Variants in ADAMTSL1 observed in about 807,000 individuals in gnomAD.
The protein encoded by ADAMTSL1 is ADAMTS like 1, also known as ADAMTS-like protein 1.
Under a neutral mutation model 201.8 loss-of-function variants are expected in ADAMTSL1, and 126 were observed. That is an observed-to-expected ratio of 0.62 (90% CI 0.54 to 0.72). ADAMTSL1 has a LOEUF of 0.72. ADAMTSL1 is among the 30% of genes least tolerant of loss of function. ADAMTSL1 has a pLI of 0.00. For synonymous variants in ADAMTSL1, 1,121 were observed against 903.4 expected, an observed-to-expected ratio of 1.24 and a Z score of -4.32; for missense variants, 2,679 against 2,277.8, an observed-to-expected ratio of 1.18 and a Z score of -3.59.
At chr9:18,599,085 T>A (rs899814738) in intron 4 of ADAMTSL1, among the ~76,000 whole-genome samples, 2 of 152,062 alleles carry the variant, frequency 1.3e-5, no homozygotes, top group African/African-American at 4.8e-5. Flanking sequence ...AGTATTAGGG[T>A]TGATTGACAG....
Position 18,777,843 on chromosome 9 carries a change from T to C in ADAMTSL1, c.3614T>C (p.Ile1205Thr), listed in dbSNP as rs190956717. Residue 1205 changes from isoleucine to threonine, a missense_variant, in exon 19 of 29, where the codon ATC becomes ACC. Ile to Thr is a moderately conservative substitution (Grantham distance 89). Transcript: ENST00000380548. ...TLSVLLHCEAIGHPRPTISWA... is the reference protein window; with the variant it reads ...TLSVLLHCEATGHPRPTISWA... ...AGTGTTCTTCTGCACTGTGAGGCCA[T>C]CGGCCACCCAAGGCCTACCATCAGC... The C allele has an allele frequency of 5.2e-5, 83 of 1,602,622 alleles. No individual in the cohort carries two copies. The African/African-American group carries it at 1.0e-3, about 20-fold the overall frequency.
At chr9:18,191,871 A>G (rs1248058180) in intron 2 of ADAMTSL1, among the ~76,000 whole-genome samples, 1 of 152,136 alleles carries the variant, frequency 6.6e-6, no homozygotes, top group Non-Finnish European at 1.5e-5. Context: ...ACTTGAAGGG[A>G]GCCTTTGAAA....
intron 1 of ADAMTSL1, among the ~76,000 whole-genome samples, chr9:18,012,889 A>G (rs992212350): frequency 6.6e-6 from 1 of 152,046 alleles, no homozygotes; most frequent in Non-Finnish European, 1.5e-5. Context: ...TTACTCAGTA[A>G]TGGCATTTGT....
chr9:18,202,867 A>AT lies in ADAMTSL1; in HGVS notation c.207+38888dup, dbSNP rs370198461. 4.7e-3 allele frequency among the ~76,000 whole-genome samples: 723 copies of AT among 152,220 alleles called. 6 individuals are homozygous for AT. Among genetic ancestry groups the AT allele is most frequent in the African/African-American group, 0.016 (658 of 41,550 alleles). ...AGAGATGGATAAGAGAAATAAACAG[A>AT]TTGTCAGATGACCTCAAGAGCTCTT... is the stretch of plus-strand genomic sequence containing the variant. On this transcript the variant is annotated intron_variant, in intron 2 of 29. Coordinates refer to the ADAMTSL1 transcript ENST00000680146.
chr9:18,412,795 G>C (rs1024493141), intron 2 of ADAMTSL1, among the ~76,000 whole-genome samples: 1 of 152,024 alleles, frequency 6.6e-6, no homozygotes, highest in African/African-American at 2.4e-5. Flanking sequence ...CTGCTTTCTG[G>C]AACAACAAGA....
chr9:18,538,023 G>C (rs898278067), intron 3 of ADAMTSL1, among the ~76,000 whole-genome samples: 57 of 152,082 alleles, frequency 3.7e-4, no homozygotes, highest in African/African-American at 1.3e-3. Flanking sequence ...GGAGGAGAAG[G>C]AGGAAGCTCC....
intron 1 of ADAMTSL1, among the ~76,000 whole-genome samples, chr9:17,946,621 A>T (rs1171502800): frequency 6.6e-6 from 1 of 152,048 alleles, no homozygotes; most frequent in Non-Finnish European, 1.5e-5. Flanking sequence ...GGAATTCTTT[A>T]GGAATTCCAT....
chr9:18,778,015 G>T, intron 19 of ADAMTSL1, 109 bp downstream of exon 19: 4 of 1,408,554 alleles, frequency 2.8e-6, no homozygotes, highest in Non-Finnish European at 3.8e-6. Context: ...AGGGCTTAGA[G>T]CTGGCCTCGG....
intron 2 of ADAMTSL1, among the ~76,000 whole-genome samples, chr9:18,453,990 C>T (rs1013698686): frequency 2.6e-5 from 4 of 152,164 alleles, no homozygotes; most frequent in Non-Finnish European, 4.4e-5. Context: ...TCCAGAGAGA[C>T]AGAACCAATA....
At chr9:17,980,590 A>G (rs1034028354) in intron 1 of ADAMTSL1, among the ~76,000 whole-genome samples, 2 of 151,814 alleles carry the variant, frequency 1.3e-5, no homozygotes, top group Non-Finnish European at 2.9e-5. Flanking sequence ...CCCCAGCATG[A>G]TGGTGTGATG....
At chr9:18,084,514 T>G (rs1367915938) in intron 1 of ADAMTSL1, among the ~76,000 whole-genome samples, 1 of 147,308 alleles carries the variant, frequency 6.8e-6, no homozygotes, top group Non-Finnish European at 1.5e-5. Context: ...AGAGCAAGAC[T>G]CCATCTCAAA....
In ADAMTSL1 at chr9:18,497,616, T is replaced by C. The variant is rs191461404; in HGVS notation, c.64-7213T>C. 7.9e-5 allele frequency among the ~76,000 whole-genome samples: 12 copies of C among 152,370 alleles called. No homozygotes were observed. The East Asian group carries it at 2.1e-3, about 27-fold the overall frequency. Reference sequence around the variant, plus strand: ...GTGTTTCCATTTGCTAAGTTTGTGCTTTTAAAGTAATAGAAACTGAGAATG... The same window carrying C: ...GTGTTTCCATTTGCTAAGTTTGTGCCTTTAAAGTAATAGAAACTGAGAATG... On this transcript the variant is annotated intron_variant, in intron 1 of 28. Coordinates refer to ENST00000380548, the MANE Select transcript of ADAMTSL1 (RefSeq NM_001040272.6).
chr9:18,401,684 CT>C (rs536115723), intron 2 of ADAMTSL1, among the ~76,000 whole-genome samples: 1 of 152,054 alleles, frequency 6.6e-6, no homozygotes, highest in Admixed American at 6.6e-5. Flanking sequence ...TTCTTGCCTT[CT>C]TTTTTTTACA....
chr9:18,770,786 G>A lies in ADAMTSL1; in HGVS notation c.2397+5G>A, dbSNP rs1393741896. 3.7e-6 allele frequency: 6 copies of A among 1,612,892 alleles called. No individual in the cohort carries two copies. Among genetic ancestry groups the A allele is most frequent in the Non-Finnish European group, 5.1e-6 (6 of 1,179,342 alleles). ...CTTCTCTCAGACTGGACAGAGGTAT[G>A]TATGTTCCTCCGAAGAGAATGAAAG... On this transcript the variant is annotated splice_donor_5th_base_variant and intron_variant, in intron 17 of 28. Transcript: ENST00000380548.
intron 2 of ADAMTSL1, among the ~76,000 whole-genome samples, chr9:18,264,725 A>G (rs1832052334): frequency 6.6e-6 from 1 of 152,226 alleles, no homozygotes; most frequent in Non-Finnish European, 1.5e-5. Flanking sequence ...CATACCTACC[A>G]AAATTGAGTT....
chr9:18,120,969 G>C (rs1825470387), intron 1 of ADAMTSL1, among the ~76,000 whole-genome samples: 1 of 151,930 alleles, frequency 6.6e-6, no homozygotes, highest in South Asian at 2.1e-4. Flanking sequence ...AATACAGTTT[G>C]GCCCCAGAAT....
chr9:18,583,066 G>C (rs1352732458), intron 4 of ADAMTSL1, among the ~76,000 whole-genome samples: 1 of 152,150 alleles, frequency 6.6e-6, no homozygotes, highest in East Asian at 1.9e-4. Flanking sequence ...TCTTGGGTAT[G>C]TTTATAAGCA....
intron 2 of ADAMTSL1, among the ~76,000 whole-genome samples, chr9:18,448,417 C>G (rs1297402881): frequency 6.6e-6 from 1 of 152,052 alleles, no homozygotes; most frequent in Non-Finnish European, 1.5e-5. Flanking sequence ...TCACAACTGC[C>G]AGGGAGAAAA....
intron 1 of ADAMTSL1, among the ~76,000 whole-genome samples, chr9:18,043,331 C>T (rs1240500731): frequency 6.6e-6 from 1 of 152,000 alleles, no homozygotes; most frequent in African/African-American, 2.4e-5. Flanking sequence ...GGAAAAAATG[C>T]CCAAGAAAGT....
Sources: allele counts gnomAD v4.1 joint callset (sites outside exome capture counted in the v4.1 genomes callset), GRCh38; gene constraint gnomAD v4.1.1; transcripts MANE v1.5; gene names NCBI Gene and HGNC (gene_info 2026-07-23, HGNC 2026-07-21).